The following COL25A1 variants were observed in gnomAD, a reference collection of about 807,000 sequenced individuals.
The protein encoded by COL25A1 is collagen alpha-1(XXV) chain.
In COL25A1, 103 loss-of-function variants were observed where a neutral mutation model predicts 128.4. The observed-to-expected ratio is 0.80, with a 90% CI of 0.68 to 0.94. The LOEUF is 0.94. Ranked by LOEUF, COL25A1 falls within the 40% of genes least tolerant of loss-of-function variation. COL25A1 has a pLI of 0.00. For synonymous variants in COL25A1, 279 were observed against 277.2 expected (o/e 1.01, Z -0.06); for missense variants, 745 against 840.0 (o/e 0.89, Z 1.40).
intron 19 of COL25A1, among the ~76,000 whole-genome samples, chr4:108,872,801 G>C (rs1738926358): frequency 6.6e-6 from 1 of 151,528 alleles, no homozygotes; most frequent in Non-Finnish European, 1.5e-5. Context: ...AAAAAATCTT[G>C]TCTTAAAAAC....
At chr4:108,835,859 G>GTTTTTT (rs1560721327) in intron 31 of COL25A1, among the ~76,000 whole-genome samples, 1 of 89,514 alleles carries the variant, frequency 1.1e-5, no homozygotes, top group Non-Finnish European at 2.1e-5. Flanking sequence ...GCTTACATAC[G>GTTTTTT]TCTTTTTTTT....
intron 3 of COL25A1, among the ~76,000 whole-genome samples, chr4:109,253,657 A>C: frequency 6.6e-6 from 1 of 152,192 alleles, no homozygotes; most frequent in East Asian, 1.9e-4. Flanking sequence ...AAAAATTCAT[A>C]AACATTTACT....
chr4:109,234,327 T>C (rs1354006744), intron 3 of COL25A1, among the ~76,000 whole-genome samples: 1 of 152,166 alleles, frequency 6.6e-6, no homozygotes, highest in Non-Finnish European at 1.5e-5. Flanking sequence ...TCTCCAGAAG[T>C]AAGCCTGTTA....
At chr4:108,864,420 T>G (rs901790035) in intron 20 of COL25A1, among the ~76,000 whole-genome samples, 3 of 152,184 alleles carry the variant, frequency 2.0e-5, no homozygotes, top group African/African-American at 7.2e-5. Context: ...TTAGTTAGGT[T>G]TTGTACATCT....
Position 108,813,801 on chromosome 4 carries a change from C to T in COL25A1, c.*126G>A, listed in dbSNP as rs1338895308. The T allele has an allele frequency of 5.3e-5, 39 of 738,370 alleles. No individual in the cohort carries two copies. Among genetic ancestry groups the T allele is most frequent in the Admixed American group, 1.3e-4 (5 of 39,640 alleles). The allele number at this position is 738,370 out of a possible 1,614,324, so 45.7% of individuals were successfully genotyped here. A position where few individuals can be genotyped will look rare whatever the true frequency, so the allele number is the denominator to read the frequency against. Reference sequence around the variant, plus strand: ...TAAAAATGGACATGTATACTACTGCCAGCAGGAAGAAGCAGCCCTATGTAA... The same window carrying T: ...TAAAAATGGACATGTATACTACTGCTAGCAGGAAGAAGCAGCCCTATGTAA... On this transcript the variant is annotated 3_prime_UTR_variant, in exon 38 of 38. Transcript: ENST00000399132.
intron 3 of COL25A1, among the ~76,000 whole-genome samples, chr4:109,105,376 A>G (rs1358892280): frequency 1.3e-5 from 2 of 152,270 alleles, no homozygotes; most frequent in East Asian, 3.9e-4. Context: ...CAGGAGGCTG[A>G]GGCAGGAGAA....
chr4:109,266,399 C>T (rs185247003), intron 3 of COL25A1, among the ~76,000 whole-genome samples: 2 of 152,174 alleles, frequency 1.3e-5, no homozygotes, highest in African/African-American at 4.8e-5. Context: ...CTTCACATGA[C>T]AATGGAGCGA....
intron 3 of COL25A1, among the ~76,000 whole-genome samples, chr4:109,203,904 T>C (rs74386867): frequency 2.7e-3 from 418 of 152,310 alleles, no homozygotes; most frequent in African/African-American, 9.7e-3. Context: ...TGGGTCATAT[T>C]GTTCTATGAT....
intron 3 of COL25A1, among the ~76,000 whole-genome samples, chr4:109,210,678 C>T (rs1361490204): frequency 1.3e-5 from 2 of 152,032 alleles, no homozygotes; most frequent in African/African-American, 2.4e-5. Context: ...TTGCAAAATA[C>T]AGTCTCAATC....
At chr4:109,052,926 T>C (rs573033625) in intron 3 of COL25A1, among the ~76,000 whole-genome samples, 2 of 152,246 alleles carry the variant, frequency 1.3e-5, no homozygotes, top group African/African-American at 4.8e-5. Flanking sequence ...TATGAACACA[T>C]ACAGAAGCTG....
chr4:108,948,462 T>C (rs1337512043), intron 8 of COL25A1, among the ~76,000 whole-genome samples: 3 of 152,186 alleles, frequency 2.0e-5, no homozygotes, highest in East Asian at 3.8e-4. Context: ...AAAAAGTTAC[T>C]ATTTTTCTTT....
intron 3 of COL25A1, among the ~76,000 whole-genome samples, chr4:109,225,440 A>C (rs1267624124): frequency 6.6e-6 from 1 of 152,232 alleles, no homozygotes; most frequent in Non-Finnish European, 1.5e-5. Context: ...CTATTACTAA[A>C]AAGACAAAAA....
intron 3 of COL25A1, among the ~76,000 whole-genome samples, chr4:109,196,901 G>C (rs1433790428): frequency 6.6e-6 from 1 of 152,148 alleles, no homozygotes; most frequent in Non-Finnish European, 1.5e-5. Context: ...AAAATTCAAA[G>C]ACTTTCAGAC....
intron 18 of COL25A1, among the ~76,000 whole-genome samples, chr4:108,887,507 G>A (rs954590321): frequency 6.6e-6 from 1 of 152,060 alleles, no homozygotes; most frequent in African/African-American, 2.4e-5. Context: ...GTATCAAAGG[G>A]TAGAATCTGG....
At chr4:109,164,124 A>G (rs915705599) in intron 3 of COL25A1, among the ~76,000 whole-genome samples, 5 of 152,116 alleles carry the variant, frequency 3.3e-5, no homozygotes, top group African/African-American at 1.2e-4. Context: ...TGGGCACACA[A>G]TGGAATGCAG....
intron 24 of COL25A1, among the ~76,000 whole-genome samples, chr4:108,859,008 T>A (rs2125787300): frequency 6.6e-6 from 1 of 151,952 alleles, no homozygotes; most frequent in East Asian, 1.9e-4. Context: ...AGTCTAAACA[T>A]GAAAAGAATG....
chr4:108,999,900 G>A (rs976520097), intron 6 of COL25A1, among the ~76,000 whole-genome samples: 2 of 152,092 alleles, frequency 1.3e-5, no homozygotes, highest in Non-Finnish European at 2.9e-5. Context: ...CTCACTCGTA[G>A]GTGGGAGATG....
intron 3 of COL25A1, among the ~76,000 whole-genome samples, chr4:109,054,588 A>G (rs1293727260): frequency 6.6e-6 from 1 of 152,238 alleles, no homozygotes; most frequent in African/African-American, 2.4e-5. Context: ...TAAAAAGCTG[A>G]AACTTAGAAG....
chr4:108,873,553 TAGTAGTAGCAGC>T (rs1348849453), intron 19 of COL25A1, among the ~76,000 whole-genome samples: 1 of 114,550 alleles, frequency 8.7e-6, no homozygotes, highest in African/African-American at 2.9e-5. Flanking sequence ...GTAGTAGTAG[TAGTAGTAGCAGC>T]AGTAGCAGCA....
Sources: allele counts gnomAD v4.1 joint callset (sites outside exome capture counted in the v4.1 genomes callset), GRCh38; gene constraint gnomAD v4.1.1; transcripts MANE v1.5; gene names NCBI Gene and HGNC (gene_info 2026-07-23, HGNC 2026-07-21).